Variants in AMBP observed in about 807,000 individuals in gnomAD.
The protein encoded by AMBP is alpha-1-microglobulin/bikunin precursor.
AMBP carries 37 observed loss-of-function variants against 46.3 expected under a neutral mutation model. The ratio of observed to expected loss-of-function variants is 0.80; its 90% confidence interval spans 0.61 to 1.05. The LOEUF (loss-of-function observed/expected upper bound fraction) is 1.05. AMBP is among the 50% of genes least tolerant of loss of function. The probability of loss-of-function intolerance (pLI) is 0.00; values close to 1 mark genes in which losing one functional copy is unlikely to be tolerated. For synonymous variants in AMBP, 174 were observed against 175.9 expected (o/e 0.99, Z 0.09); for missense variants, 475 against 461.2 (o/e 1.03, Z -0.27).
intron 6 of AMBP, among the ~76,000 whole-genome samples, chr9:114,066,554 C>CT (rs552816756): frequency 3.7e-4 from 57 of 152,108 alleles, no homozygotes; most frequent in African/African-American, 1.4e-3. Context: ...AAATCCAAGC[C>CT]TACAGAAACA....
chr9:114,069,583 C>T, intron 6 of AMBP, 116 bp downstream of exon 6: 1 of 1,030,648 alleles, frequency 9.7e-7, no homozygotes, highest in East Asian at 2.6e-5. Flanking sequence ...TCGCTGCCTT[C>T]TCTCACCCCC....
Position 114,069,722 on chromosome 9 carries a change from C to G in AMBP, c.580G>C (p.Glu194Gln), listed in dbSNP as rs1846725125. ...DRGECVPGEQEPEPILIPRVR... is the reference protein window; with the variant it reads ...DRGECVPGEQQPEPILIPRVR... Reference sequence around the variant, plus strand: ...ACCGGGATTAAGATGGGCTCTGGTTCCTGCTCCCCAGGGACACATTCACCT... The same window carrying G: ...ACCGGGATTAAGATGGGCTCTGGTTGCTGCTCCCCAGGGACACATTCACCT... The change falls in exon 6 of 10, where the codon GAA (glutamate) becomes CAA (glutamine). Residue 194 changes from glutamate to glutamine, a missense_variant. Around this residue, in one of 3 missense-constraint regions of AMBP, gnomAD observed 293 missense variants for 276.9 expected, o/e 1.06. Coordinates refer to ENST00000265132, the MANE Select transcript of AMBP (RefSeq NM_001633.4). The G allele has an allele frequency of 6.2e-7, 1 of 1,614,002 alleles. No homozygotes were observed.
At chr9:114,076,245 T>TG (rs889873230) in intron 2 of AMBP, among the ~76,000 whole-genome samples, 1 of 143,642 alleles carries the variant, frequency 7.0e-6, no homozygotes, top group Non-Finnish European at 1.5e-5. Context: ...GTGAACAGGT[T>TG]GGGGGGGATT....
intron 8 of AMBP, 76 bp downstream of exon 8, chr9:114,061,348 T>G: frequency 6.2e-7 from 1 of 1,600,878 alleles, no homozygotes; most frequent in Non-Finnish European, 8.5e-7. Context: ...AGCTACCTTT[T>G]CAATTCGCAG....
Position 114,061,491 on chromosome 9 carries a change from G to A in AMBP, c.786C>T (p.Gly262=), listed in dbSNP as rs374833274. Reference sequence around the variant, plus strand: ...AGTTGTTACCGTTGCCCATGCAGCCGCCGTACTGGAAAGTCTCACAGGCCA... The same window carrying A: ...AGTTGTTACCGTTGCCCATGCAGCCACCGTACTGGAAAGTCTCACAGGCCA... ...TSMACETFQY[G]GCMGNGNNFV... is the part of the protein sequence containing the mutation. The change falls in exon 8 of 10, where the codon GGC becomes GGT. Residue 262 remains glycine (G), a synonymous_variant. Transcript: ENST00000265132. 7.5e-5 allele frequency: 121 copies of A among 1,613,944 alleles called. No individual in the cohort carries two copies. The highest frequency in any genetic ancestry group is 3.6e-4 in the African/African-American group (27 of 74,898).
At position 114,078,167 on chromosome 9, in the gene AMBP, G is replaced by C; in HGVS notation, c.43C>G (p.Leu15Val). The change falls in exon 1 of 10, where the codon CTG becomes GTG. Residue 15 changes from leucine (L) to valine (V), a missense_variant. Physicochemically the swap from Leu to Val is conservative, Grantham distance 32 (BLOSUM62 1). Transcript: ENST00000265132. ...GALLLLLSAC[L>V]AVSAGPVPTP... ...GGCACAGGGCCAGCGCTCACCGCCA[G>C]GCAGGCGCTCAGCAGCAAGAGCAGG... 2 of 1,613,508 alleles carry C rather than the reference G, an allele frequency of 1.2e-6. No individual in the cohort carries two copies. The highest frequency in any genetic ancestry group is 1.7e-6 in the Non-Finnish European group (2 of 1,180,030).
rs76871587 is a variant in AMBP, at chr9:114,062,560, C to T, written c.685+117G>A. ...TTGATTTGCCTTTTCTCAGTCCAGC[C>T]CTTGAGTCTCTAACAGATAAAGAGA... On this transcript the variant is annotated intron_variant, in intron 7 of 9. Transcript: ENST00000265132. 1,834 of 1,043,768 alleles carry T rather than the reference C, an allele frequency of 1.8e-3. 24 individuals are homozygous for T. The African/African-American group carries it at 0.026, about 15-fold the overall frequency. 64.7% of individuals were successfully genotyped at this position (1,043,768 alleles called of 1,614,324 possible).
At chr9:114,076,565 C>G in intron 2 of AMBP, 33 bp downstream of exon 2, 1 of 1,608,476 alleles carries the variant, frequency 6.2e-7, no homozygotes, top group Non-Finnish European at 8.5e-7. Context: ...CTCTGGGTCT[C>G]TCTCAGCTTT....
rs551178162 is a variant in AMBP, at chr9:114,067,267, T to A, written c.603+2432A>T. Among the ~76,000 whole-genome samples, 134 of 151,784 alleles carry A rather than the reference T, an allele frequency of 8.8e-4. 1 individual carries two copies. The highest frequency in any genetic ancestry group is 3.0e-3 in the African/African-American group (126 of 41,358). ...ATGTATATTTTAAATAGAGACAAGGTCTCACTGTTGCCCAGGCTAGAGTGC... is the reference window on the plus strand; with the variant it reads ...ATGTATATTTTAAATAGAGACAAGGACTCACTGTTGCCCAGGCTAGAGTGC... On this transcript the variant is annotated intron_variant, in intron 6 of 9. Coordinates refer to ENST00000265132, the MANE Select transcript of AMBP (RefSeq NM_001633.4).
chr9:114,070,632 G>C (rs1035595846), intron 5 of AMBP, among the ~76,000 whole-genome samples: 4 of 152,200 alleles, frequency 2.6e-5, no homozygotes, highest in Admixed American at 6.5e-5. Flanking sequence ...CTTGCACACA[G>C]AGCATGGGGC....
intron 8 of AMBP, 128 bp downstream of exon 8, chr9:114,061,296 C>T (rs1378724518): frequency 6.7e-7 from 1 of 1,488,502 alleles, no homozygotes; most frequent in Admixed American, 1.9e-5. Context: ...CCTAAGATTT[C>T]AGGAAACCGC....
At chr9:114,064,726 G>A (rs1333901317) in intron 6 of AMBP, among the ~76,000 whole-genome samples, 1 of 151,410 alleles carries the variant, frequency 6.6e-6, no homozygotes, top group Non-Finnish European at 1.5e-5. Flanking sequence ...GTCACTCAAG[G>A]AAAGGATCCC....
Position 114,076,758 on chromosome 9 carries a change from T to C in AMBP, c.118-18A>G, listed in dbSNP as rs780274172. On this transcript the variant is annotated intron_variant, in intron 1 of 9. Coordinates refer to ENST00000265132, the MANE Select transcript of AMBP (RefSeq NM_001633.4). ...CCATAGATCTAGGAGGCAGGTGAGC[T>C]CTGGGGGTCTGCATCAGTCTCAGAC... 8.7e-6 allele frequency: 14 copies of C among 1,612,618 alleles called. No homozygotes were observed. In the Admixed American group the frequency reaches 1.3e-4, roughly 15 times the overall value.
At chr9:114,074,819 AGAG>A in intron 3 of AMBP, 138 bp downstream of exon 3, 3 of 687,630 alleles carry the variant, frequency 4.4e-6, no homozygotes, top group South Asian at 1.8e-5. Flanking sequence ...AGGAGGAGGA[AGAG>A]GAGGAGTTGT....
intron 6 of AMBP, among the ~76,000 whole-genome samples, chr9:114,068,245 C>T (rs558649007): frequency 2.0e-5 from 3 of 152,184 alleles, no homozygotes; most frequent in South Asian, 2.1e-4. Flanking sequence ...GACATAAATC[C>T]TCTCATGACT....
At position 114,078,244 on chromosome 9, in the gene AMBP, G is replaced by A; in HGVS notation, c.-35C>T. The A allele has an allele frequency of 6.3e-7, 1 of 1,595,764 alleles. No homozygotes were observed. Among genetic ancestry groups the A allele is most frequent in the Non-Finnish European group, 8.6e-7 (1 of 1,168,992 alleles). On this transcript the variant is annotated 5_prime_UTR_variant, in exon 1 of 10. Coordinates refer to ENST00000265132, the MANE Select transcript of AMBP (RefSeq NM_001633.4). ...CTCCTCTGCCTTGGTATATCCCACA[G>A]GCTCGGTCTAGCAACAGAAGGGCCA...
chr9:114,061,472 T>C lies in AMBP; in HGVS notation c.805A>G (p.Asn269Asp). ...CACTCCTTTTCTGTGACGAAGTTGT[T>C]ACCGTTGCCCATGCAGCCGCCGTAC... ...FQYGGCMGNG[N>D]NFVTEKECLQ... Residue 269 changes from asparagine to aspartate, a missense_variant, in exon 8 of 10, where the codon AAC becomes GAC. Around this residue, in one of 3 missense-constraint regions of AMBP, gnomAD observed 293 missense variants for 276.9 expected, o/e 1.06. Transcript: ENST00000265132. 1 of 1,614,138 alleles carries C rather than the reference T, an allele frequency of 6.2e-7. No individual in the cohort carries two copies. The highest frequency in any genetic ancestry group is 8.5e-7 in the Non-Finnish European group (1 of 1,180,020).
Position 114,076,752 on chromosome 9 carries a change from G to A in AMBP, c.118-12C>T. 1 of 1,613,484 alleles carries A rather than the reference G, an allele frequency of 6.2e-7. No homozygotes were observed. Among genetic ancestry groups the A allele is most frequent in the Non-Finnish European group, 8.5e-7 (1 of 1,179,650 alleles). ...CACTTCCCATAGATCTAGGAGGCAGGTGAGCTCTGGGGGTCTGCATCAGTC... is the reference window on the plus strand; with the variant it reads ...CACTTCCCATAGATCTAGGAGGCAGATGAGCTCTGGGGGTCTGCATCAGTC... On this transcript the variant is annotated splice_polypyrimidine_tract_variant and intron_variant, in intron 1 of 9. Transcript: ENST00000265132.
Position 114,072,107 on chromosome 9 carries a change from C to T in AMBP, c.556+818G>A, listed in dbSNP as rs930726480. Among the ~76,000 whole-genome samples the T allele has an allele frequency of 5.9e-5, 9 of 152,330 alleles. No homozygotes were observed. The East Asian group carries it at 1.7e-3, about 29-fold the overall frequency. On this transcript the variant is annotated intron_variant, in intron 5 of 9. Transcript: ENST00000265132. ...AACACAAACAGGGCTGAAACATGCC[C>T]TTTGCTCACCACATTGCAGGTGAAG...
Sources: allele counts gnomAD v4.1 joint callset (sites outside exome capture counted in the v4.1 genomes callset), GRCh38; gene constraint gnomAD v4.1.1; regional missense constraint gnomAD v4.1.1; transcripts MANE v1.5; gene names NCBI Gene and HGNC (gene_info 2026-07-23, HGNC 2026-07-21).